Variants in PLEKHH2 observed in about 807,000 individuals in gnomAD.
PLEKHH2 encodes pleckstrin homology, MyTH4 and FERM domain containing H2.
Under a neutral mutation model 187.9 loss-of-function variants are expected in PLEKHH2, and 129 were observed. The observed-to-expected ratio is 0.69, with a 90% CI of 0.59 to 0.79. The LOEUF (loss-of-function observed/expected upper bound fraction) is 0.79, where lower values mean the gene tolerates loss of function less well. Ranked by LOEUF, PLEKHH2 falls within the 30% of genes least tolerant of loss-of-function variation. The pLI is 0.00. For synonymous variants in PLEKHH2, 686 were observed against 605.6 expected, an observed-to-expected ratio of 1.13 and a Z score of -1.95; for missense variants, 2,076 against 1,751.2, an observed-to-expected ratio of 1.19 and a Z score of -3.31.
At chr2:43,707,364 G>C in intron 10 of PLEKHH2, 37 bp from the exon 11 acceptor site, 2 of 1,612,680 alleles carry the variant, frequency 1.2e-6, no homozygotes, top group East Asian at 2.2e-5. Flanking sequence ...GGTAACATTA[G>C]GGATGGATAC....
At chr2:43,721,962 A>G (rs1670501465) in intron 16 of PLEKHH2, among the ~76,000 whole-genome samples, 1 of 152,142 alleles carries the variant, frequency 6.6e-6, no homozygotes, top group Non-Finnish European at 1.5e-5. Flanking sequence ...CCGAATATGT[A>G]CAATACAAAA....
chr2:43,723,118 C>G (rs6739943), intron 16 of PLEKHH2, among the ~76,000 whole-genome samples: 91,561 of 152,034 alleles, frequency 0.6, 28,827 homozygotes, highest in African/African-American at 0.76. Flanking sequence ...ATTTTCATAT[C>G]ATTGTGCCTA....
At chr2:43,754,304 T>C (rs1672127427) in intron 25 of PLEKHH2, among the ~76,000 whole-genome samples, 1 of 152,126 alleles carries the variant, frequency 6.6e-6, no homozygotes, top group South Asian at 2.1e-4. Flanking sequence ...GGTCATGGGC[T>C]TTATCCTGTT....
At chr2:43,685,874 T>C (rs1334970077) in intron 3 of PLEKHH2, among the ~76,000 whole-genome samples, 1 of 152,256 alleles carries the variant, frequency 6.6e-6, no homozygotes, top group East Asian at 1.9e-4. Flanking sequence ...TACTGACATA[T>C]GGGATTCATT....
chr2:43,752,333 A>G (rs1672042543), intron 24 of PLEKHH2, among the ~76,000 whole-genome samples: 1 of 152,186 alleles, frequency 6.6e-6, no homozygotes, highest in Non-Finnish European at 1.5e-5. Flanking sequence ...TTGTGTAGTC[A>G]TCATAGATTA....
chr2:43,718,029 T>C (rs1205933338), intron 15 of PLEKHH2, among the ~76,000 whole-genome samples: 1 of 152,182 alleles, frequency 6.6e-6, no homozygotes, highest in Non-Finnish European at 1.5e-5. Context: ...TAGGGGCTTA[T>C]GGTTTGTGCA....
intron 29 of PLEKHH2, among the ~76,000 whole-genome samples, chr2:43,764,600 T>A (rs1055894095): frequency 6.6e-6 from 1 of 152,210 alleles, no homozygotes; most frequent in Non-Finnish European, 1.5e-5. Flanking sequence ...ACTCCCTACT[T>A]CTTTTGGCTT....
intron 2 of PLEKHH2, chr2:43,676,456 C>T (rs1359688982): frequency 3.0e-6 from 2 of 658,388 alleles, no homozygotes; most frequent in East Asian, 5.5e-5. Context: ...TTCTCGGTGG[C>T]GTAGAGAAGG....
In PLEKHH2 at chr2:43,726,346, T is replaced by C; in HGVS notation, c.2616T>C (p.Asp872=). ...EVDRSCDSDE[D]YEASGRSLLS... ...ACAGATCTTGTGATTCAGATGAAGA[T>C]TATGAAGCCAGTGGACGAAGTCTGT... Residue 872 remains aspartate (D), a synonymous_variant, in exon 17 of 30, where the codon GAT becomes GAC. Transcript: ENST00000282406. 6.2e-7 allele frequency: 1 copy of C among 1,611,862 alleles called. No homozygotes were observed. The highest frequency in any genetic ancestry group is 2.2e-5 in the East Asian group (1 of 44,836).
chr2:43,725,429 C>G (rs547585897), intron 16 of PLEKHH2, among the ~76,000 whole-genome samples: 1 of 152,184 alleles, frequency 6.6e-6, no homozygotes, highest in African/African-American at 2.4e-5. Context: ...AGACCTTCCC[C>G]CCTCCTTCTG....
chr2:43,705,886 A>G (rs185798891), intron 9 of PLEKHH2, among the ~76,000 whole-genome samples: 5 of 152,256 alleles, frequency 3.3e-5, no homozygotes, highest in East Asian at 3.9e-4. Context: ...GGGATTACAG[A>G]TGGGAACCAC....
At chr2:43,729,586 C>A in intron 17 of PLEKHH2, 51 bp from the exon 18 acceptor site, 38 of 1,205,226 alleles carry the variant, frequency 3.2e-5, no homozygotes, top group East Asian at 8.4e-5. Context: ...GTTTTTTTTT[C>A]TTTAATCAAA....
intron 7 of PLEKHH2, among the ~76,000 whole-genome samples, chr2:43,697,601 G>A (rs1029914952): frequency 1.3e-5 from 2 of 152,158 alleles, no homozygotes; most frequent in Non-Finnish European, 2.9e-5. Flanking sequence ...GCTGTAGGTG[G>A]AAGGTGGGTA....
At chr2:43,706,778 TA>T (rs372144737) in intron 10 of PLEKHH2, among the ~76,000 whole-genome samples, 17 of 152,202 alleles carry the variant, frequency 1.1e-4, no homozygotes, top group Non-Finnish European at 2.1e-4. Flanking sequence ...AAGTATTAAT[TA>T]AAAGAAGGAT....
chr2:43,645,243 G>A (rs545351823), intron 2 of PLEKHH2, among the ~76,000 whole-genome samples: 8 of 151,894 alleles, frequency 5.3e-5, no homozygotes, highest in Non-Finnish European at 1.2e-4. Flanking sequence ...TTCTTGCCTG[G>A]GCTAGAATTG....
At chr2:43,644,571 T>A (rs910709655) in intron 1 of PLEKHH2, 100 bp from the exon 2 acceptor site, 2 of 965,650 alleles carry the variant, frequency 2.1e-6, no homozygotes, top group South Asian at 2.0e-5. Flanking sequence ...TTATAATGTG[T>A]ACATTGGGTA....
At chr2:43,746,568 A>C (rs1453256567) in intron 24 of PLEKHH2, among the ~76,000 whole-genome samples, 1 of 152,006 alleles carries the variant, frequency 6.6e-6, no homozygotes, top group African/African-American at 2.4e-5. Context: ...AATCAGAAAA[A>C]CTACAGAAAA....
At chr2:43,649,209 A>G (rs1666350623) in intron 2 of PLEKHH2, among the ~76,000 whole-genome samples, 1 of 152,216 alleles carries the variant, frequency 6.6e-6, no homozygotes, top group Non-Finnish European at 1.5e-5. Context: ...TATGCCAAAT[A>G]TAAACTCTTC....
At chr2:43,653,059 A>C (rs1432405264) in intron 2 of PLEKHH2, among the ~76,000 whole-genome samples, 1 of 152,138 alleles carries the variant, frequency 6.6e-6, no homozygotes, top group Non-Finnish European at 1.5e-5. Context: ...AAAAGATGAG[A>C]AATTTAGAGG....
Sources: allele counts gnomAD v4.1 joint callset (sites outside exome capture counted in the v4.1 genomes callset), GRCh38; gene constraint gnomAD v4.1.1; transcripts MANE v1.5; gene names NCBI Gene and HGNC (gene_info 2026-07-23, HGNC 2026-07-21).